HIGD1A: variants seen among roughly 807,000 people sequenced by gnomAD.
The protein encoded by HIGD1A is HIG1 hypoxia inducible domain family member 1A.
In HIGD1A, 8 loss-of-function variants were observed where a neutral mutation model predicts 11.3. The ratio of observed to expected loss-of-function variants is 0.71; its 90% CI spans 0.42 to 1.28. The LOEUF is 1.28. HIGD1A is among the 50% of genes most tolerant of loss of function. HIGD1A has a pLI of 0.01. For synonymous variants in HIGD1A, 32 were observed against 38.4 expected (o/e 0.83, Z 0.62); for missense variants, 107 against 118.8 (o/e 0.90, Z 0.46).
chr3:42,789,841 C>T (rs1050661780), intron 2 of HIGD1A, among the ~76,000 whole-genome samples: 20 of 152,000 alleles, frequency 1.3e-4, no homozygotes, highest in Non-Finnish European at 2.6e-4. Flanking sequence ...CCATCTCAGC[C>T]TCCCAAGTAG....
intron 2 of HIGD1A, among the ~76,000 whole-genome samples, chr3:42,787,594 A>AAAATAT (rs1383516264): frequency 1.4e-5 from 2 of 141,256 alleles, no homozygotes; most frequent in African/African-American, 5.2e-5. Context: ...CCATCTCAAA[A>AAAATAT]ATATATATAT....
chr3:42,800,865 T>C (rs1160357555), intron 1 of HIGD1A, among the ~76,000 whole-genome samples: 1 of 152,204 alleles, frequency 6.6e-6, no homozygotes, highest in Non-Finnish European at 1.5e-5. Flanking sequence ...TTATTCTGTT[T>C]ATTTGGAGGT....
chr3:42,796,386 TAATAC>T (rs1411137254), intron 1 of HIGD1A, among the ~76,000 whole-genome samples: 1 of 151,856 alleles, frequency 6.6e-6, no homozygotes, highest in Non-Finnish European at 1.5e-5. Context: ...TATATCTGAA[TAATAC>T]AATATAAACA....
chr3:42,785,853 T>C (rs1445347489), intron 3 of HIGD1A, among the ~76,000 whole-genome samples, 175 bp downstream of exon 3: 9 of 152,196 alleles, frequency 5.9e-5, no homozygotes, highest in African/African-American at 2.4e-5. Flanking sequence ...GGATATATCA[T>C]AGAAAAACTA....
intron 2 of HIGD1A, among the ~76,000 whole-genome samples, chr3:42,788,469 A>T (rs1421669390): frequency 6.6e-6 from 1 of 152,264 alleles, no homozygotes; most frequent in Non-Finnish European, 1.5e-5. Context: ...AATAAAAATT[A>T]TAAGGGCATT....
chr3:42,800,158 C>A (rs1170094704), intron 1 of HIGD1A, among the ~76,000 whole-genome samples: 4 of 151,956 alleles, frequency 2.6e-5, no homozygotes, highest in Non-Finnish European at 5.9e-5. Flanking sequence ...AAACCCCCAT[C>A]TCTACTAAAA....
intron 1 of HIGD1A, chr3:42,804,091 C>T: frequency 7.1e-7 from 1 of 1,414,230 alleles, no homozygotes; most frequent in Non-Finnish European, 9.7e-7. Flanking sequence ...CGCTCCCCGC[C>T]GTCGGGCCCA....
intron 1 of HIGD1A, 162 bp from the exon 2 acceptor site, chr3:42,794,437 T>G: frequency 1.4e-6 from 1 of 691,968 alleles, no homozygotes; most frequent in Non-Finnish European, 2.2e-6. Context: ...GTATTTTTAA[T>G]GTACAGTCAC....
At chr3:42,794,376 GTA>G in intron 1 of HIGD1A, 101 bp from the exon 2 acceptor site, 6 of 1,106,498 alleles carry the variant, frequency 5.4e-6, no homozygotes, top group Non-Finnish European at 7.4e-6. Flanking sequence ...GAGAATCTTA[GTA>G]TATGTTATCC....
chr3:42,794,302 G>A, intron 1 of HIGD1A, 27 bp from the exon 2 acceptor site: 2 of 1,541,800 alleles, frequency 1.3e-6, no homozygotes, highest in Non-Finnish European at 8.7e-7. Flanking sequence ...ATGAGGTTCT[G>A]TAATTAAAAG....
intron 2 of HIGD1A, among the ~76,000 whole-genome samples, chr3:42,786,899 C>T (rs1359404861): frequency 1.3e-5 from 2 of 152,160 alleles, no homozygotes; most frequent in Non-Finnish European, 2.9e-5. Flanking sequence ...GCTCAGCCTC[C>T]CTAATAACTG....
intron 2 of HIGD1A, among the ~76,000 whole-genome samples, chr3:42,793,523 T>C (rs1329618548): frequency 6.6e-6 from 1 of 152,242 alleles, no homozygotes; most frequent in Non-Finnish European, 1.5e-5. Flanking sequence ...CTTCATTCTA[T>C]ATGTCTTTGT....
chr3:42,786,737 C>G (rs1700356327), intron 2 of HIGD1A, among the ~76,000 whole-genome samples: 1 of 152,198 alleles, frequency 6.6e-6, no homozygotes, highest in Non-Finnish European at 1.5e-5. Flanking sequence ...AGGGCAAAAG[C>G]ATTCAGGACA....
chr3:42,795,249 G>A (rs1364649809), intron 1 of HIGD1A, among the ~76,000 whole-genome samples: 6 of 138,858 alleles, frequency 4.3e-5, no homozygotes, highest in Admixed American at 7.5e-5. Context: ...ATGGAGTTTC[G>A]TTCTTGTTGC....
intron 1 of HIGD1A, among the ~76,000 whole-genome samples, chr3:42,803,042 G>T (rs1188186175): frequency 1.5e-4 from 23 of 152,308 alleles, no homozygotes; most frequent in Admixed American, 1.4e-3. Context: ...GATTTGAAAA[G>T]ACTTTTTTCA....
chr3:42,799,637 G>A (rs1223360290), intron 1 of HIGD1A, among the ~76,000 whole-genome samples: 2 of 150,930 alleles, frequency 1.3e-5, no homozygotes, highest in Non-Finnish European at 2.9e-5. Flanking sequence ...TGTATTTTTA[G>A]TATAGATGGG....
At chr3:42,802,109 T>C (rs574050495) in intron 1 of HIGD1A, among the ~76,000 whole-genome samples, 1 of 151,654 alleles carries the variant, frequency 6.6e-6, no homozygotes, top group South Asian at 2.1e-4. Context: ...TTCTTATAAT[T>C]ATCTCACATC....
At chr3:42,794,133 T>A in intron 2 of HIGD1A, 24 bp downstream of exon 2, 10 of 1,596,150 alleles carry the variant, frequency 6.3e-6, no homozygotes, top group Non-Finnish European at 8.5e-6. Flanking sequence ...TATTCAAGAC[T>A]ACTAAAATGT....
intron 1 of HIGD1A, among the ~76,000 whole-genome samples, chr3:42,796,868 A>C (rs1700505812): frequency 6.8e-6 from 1 of 146,496 alleles, no homozygotes; most frequent in African/African-American, 2.5e-5. Flanking sequence ...GAGGGTTAGA[A>C]TCTTATAACT....
Sources: gnomAD v4.1 joint callset for allele counts (sites outside exome capture counted in the v4.1 genomes callset) on GRCh38, gnomAD v4.1.1 for gene constraint, MANE v1.5 for transcripts, NCBI Gene and HGNC (gene_info 2026-07-23, HGNC 2026-07-21) for gene names.